Variants in SORCS3 observed in about 807,000 individuals in gnomAD.
The protein encoded by SORCS3 is sortilin related VPS10 domain containing receptor 3.
SORCS3 carries 57 observed loss-of-function variants against 146.3 expected under a neutral mutation model. The ratio of observed to expected loss-of-function variants is 0.39; its 90% CI spans 0.31 to 0.49. The LOEUF is 0.49. Among genes scored for constraint, SORCS3 ranks in the 20% least tolerant of loss-of-function variants. The pLI, the probability that SORCS3 is intolerant of heterozygous loss-of-function variation, is 0.92. For synonymous variants in SORCS3, 653 were observed against 618.5 expected (o/e 1.06, Z -0.83); for missense variants, 1,341 against 1,575.5 (o/e 0.85, Z 2.52).
At chr10:105,128,274 A>C (rs1392769778) in intron 7 of SORCS3, among the ~76,000 whole-genome samples, 3 of 152,088 alleles carry the variant, frequency 2.0e-5, no homozygotes, top group Non-Finnish European at 4.4e-5. Flanking sequence ...ACAAATATTC[A>C]TGGCTCTTGG....
intron 11 of SORCS3, among the ~76,000 whole-genome samples, chr10:105,163,921 C>CACACACACACACACA (rs2056289723): frequency 1.4e-5 from 2 of 146,760 alleles, no homozygotes; most frequent in Non-Finnish European, 3.0e-5. Context: ...CACACACACA[C>CACACACACACACACA]CAGTTTTTCT....
intron 14 of SORCS3, among the ~76,000 whole-genome samples, chr10:105,187,387 C>T (rs1376008786): frequency 6.6e-6 from 1 of 152,168 alleles, no homozygotes. Context: ...CAGTGCAATT[C>T]GCCCTGTAGC....
intron 1 of SORCS3, among the ~76,000 whole-genome samples, chr10:104,818,072 G>A (rs550050403): frequency 2.0e-5 from 3 of 152,186 alleles, no homozygotes; most frequent in Non-Finnish European, 2.9e-5. Context: ...CCCTATCTAC[G>A]TAGGTCTGTA....
chr10:105,204,133 G>T (rs2056588923), intron 16 of SORCS3, among the ~76,000 whole-genome samples: 1 of 152,110 alleles, frequency 6.6e-6, no homozygotes, highest in Admixed American at 6.6e-5. Flanking sequence ...TGCACTGGTA[G>T]AGGTACCATG....
At chr10:104,723,460 T>A (rs1033032522) in intron 1 of SORCS3, among the ~76,000 whole-genome samples, 2 of 152,170 alleles carry the variant, frequency 1.3e-5, no homozygotes, top group African/African-American at 4.8e-5. Flanking sequence ...ATTCTTTTGA[T>A]TTGGGGTGGA....
rs918438597 is a variant in SORCS3, at chr10:104,971,489, C to T, written c.796-5846C>T. ...TGCTAAACATGGATGTTGGTGGAAA[C>T]GCTCATGGAGCTAGGGTATACCAGA... On this transcript the variant is annotated intron_variant, in intron 3 of 26. Transcript: ENST00000369701. Among the ~76,000 whole-genome samples the T allele has an allele frequency of 7.2e-5, 11 of 152,150 alleles. No homozygotes were observed. In the South Asian group the frequency reaches 8.3e-4, roughly 11 times the overall value.
chr10:104,979,438 A>G (rs2054920319), intron 4 of SORCS3, among the ~76,000 whole-genome samples: 1 of 152,208 alleles, frequency 6.6e-6, no homozygotes, highest in Non-Finnish European at 1.5e-5. Context: ...GATAATTCTG[A>G]GCACTGTCTT....
At chr10:104,828,582 A>G (rs1372470794) in intron 1 of SORCS3, among the ~76,000 whole-genome samples, 4 of 152,202 alleles carry the variant, frequency 2.6e-5, no homozygotes, top group African/African-American at 9.7e-5. Context: ...TGACGCAGGG[A>G]CACAAGGTGG....
chr10:105,134,452 G>T (rs1036693453), intron 7 of SORCS3, among the ~76,000 whole-genome samples: 5 of 151,454 alleles, frequency 3.3e-5, no homozygotes, highest in African/African-American at 1.2e-4. Context: ...CAAGATTAAG[G>T]CACCAGCATG....
At chr10:105,234,305 T>G (rs1427302294) in intron 20 of SORCS3, among the ~76,000 whole-genome samples, 3 of 151,982 alleles carry the variant, frequency 2.0e-5, no homozygotes, top group Non-Finnish European at 2.9e-5. Context: ...TCTCATGACT[T>G]TTTTTCTTAA....
intron 5 of SORCS3, among the ~76,000 whole-genome samples, chr10:105,060,950 AAAAAC>A (rs2055482131): frequency 6.6e-6 from 1 of 152,202 alleles, no homozygotes; most frequent in East Asian, 1.9e-4. Flanking sequence ...AACAAAAAAA[AAAAAC>A]AAACAAAAAA....
rs954005699 is a variant in SORCS3 at position 104,772,053 on chromosome 10, C to T, written c.628-70739C>T. 7.2e-5 allele frequency among the ~76,000 whole-genome samples: 11 copies of T among 152,118 alleles called. No individual in the cohort carries two copies. In the East Asian group the frequency reaches 9.6e-4, roughly 13 times the overall value. On this transcript the variant is annotated intron_variant, in intron 1 of 26. Coordinates refer to ENST00000369701, the MANE Select transcript of SORCS3 (RefSeq NM_014978.3). ...AATGCTTAGGCTAAGACTTGTGTTT[C>T]GATAGGTGGGGCTTGGGTGTGGGGA... is the stretch of plus-strand genomic sequence containing the variant.
At chr10:104,868,006 T>C (rs1170296942) in intron 2 of SORCS3, among the ~76,000 whole-genome samples, 1 of 152,240 alleles carries the variant, frequency 6.6e-6, no homozygotes, top group Non-Finnish European at 1.5e-5. Context: ...TCTGTATTCA[T>C]TAGCATGCAG....
intron 5 of SORCS3, among the ~76,000 whole-genome samples, chr10:105,086,546 A>G (rs1004138942): frequency 6.6e-6 from 1 of 152,178 alleles, no homozygotes; most frequent in Non-Finnish European, 1.5e-5. Context: ...CTTCCTGATG[A>G]GGGAAGAGTT....
chr10:104,899,184 T>C (rs1378044732), intron 2 of SORCS3, among the ~76,000 whole-genome samples: 2 of 152,196 alleles, frequency 1.3e-5, no homozygotes, highest in African/African-American at 4.8e-5. Context: ...GACCTGATAT[T>C]TCAGAGGAAA....
intron 20 of SORCS3, among the ~76,000 whole-genome samples, chr10:105,242,750 A>G (rs1190363960): frequency 1.9e-5 from 2 of 104,938 alleles, no homozygotes; most frequent in African/African-American, 4.0e-5. Flanking sequence ...ATATTTATAT[A>G]TATTTATATT....
chr10:104,908,890 G>A (rs891211057), intron 2 of SORCS3, among the ~76,000 whole-genome samples: 3 of 152,120 alleles, frequency 2.0e-5, no homozygotes, highest in African/African-American at 4.8e-5. Flanking sequence ...GGTAAACTAC[G>A]AAGGCCTTGA....
chr10:104,774,956 A>C (rs1295478138), intron 1 of SORCS3, among the ~76,000 whole-genome samples: 1 of 152,162 alleles, frequency 6.6e-6, no homozygotes, highest in African/African-American at 2.4e-5. Flanking sequence ...CATATTTCTC[A>C]TGGACTGTAC....
chr10:105,174,524 G>C (rs1429579031), intron 13 of SORCS3, among the ~76,000 whole-genome samples: 1 of 152,098 alleles, frequency 6.6e-6, no homozygotes, highest in Non-Finnish European at 1.5e-5. Flanking sequence ...GTTTTCTAAT[G>C]TTATTTTTTT....
Sources: allele counts gnomAD v4.1 joint callset (sites outside exome capture counted in the v4.1 genomes callset), GRCh38; gene constraint gnomAD v4.1.1; transcripts MANE v1.5; gene names NCBI Gene and HGNC (gene_info 2026-07-23, HGNC 2026-07-21).